CNTN4: variants seen among roughly 807,000 people sequenced by gnomAD.
CNTN4 encodes the protein contactin-4.
A neutral mutation model predicts 122.5 loss-of-function variants in CNTN4; 77 were observed. That is an observed-to-expected ratio of 0.63 (90% confidence interval 0.52 to 0.76). The LOEUF (loss-of-function observed/expected upper bound fraction) is 0.76. Ranked by LOEUF, CNTN4 falls within the 30% of genes least tolerant of loss-of-function variation. The probability of loss-of-function intolerance (pLI) is 0.00; values close to 1 mark genes in which losing one functional copy is unlikely to be tolerated. For missense variants in CNTN4, 1,256 were observed against 1,259.1 expected (o/e 1.00, Z 0.04); for synonymous variants, 512 against 447.0 (o/e 1.15, Z -1.83).
intron 7 of CNTN4, among the ~76,000 whole-genome samples, chr3:2,853,381 G>T (rs1325134386): frequency 6.6e-6 from 1 of 151,886 alleles, no homozygotes; most frequent in Non-Finnish European, 1.5e-5. Context: ...AGTAGCTGAG[G>T]CTACAGGTGC....
chr3:2,981,271 C>T (rs1366096394), intron 13 of CNTN4, among the ~76,000 whole-genome samples: 17 of 152,066 alleles, frequency 1.1e-4, no homozygotes, highest in Non-Finnish European at 1.5e-4. Flanking sequence ...AGTGAAACCC[C>T]GTCTCTACTA....
chr3:2,295,661 G>C (rs1012556304), intron 2 of CNTN4, among the ~76,000 whole-genome samples: 16 of 152,174 alleles, frequency 1.1e-4, no homozygotes, highest in African/African-American at 3.9e-4. Flanking sequence ...TTCTTTTACT[G>C]TGCAGAGGTC....
In CNTN4 at chr3:2,717,073, C is replaced by T. The variant is rs143031462; in HGVS notation, c.56-19142C>T. 1.4e-3 allele frequency among the ~76,000 whole-genome samples: 219 copies of T among 152,244 alleles called. 1 individual carries two copies. Among genetic ancestry groups the T allele is most frequent in the Middle Eastern group, 3.4e-3 (1 of 294 alleles). On this transcript the variant is annotated intron_variant, in intron 4 of 24. Coordinates refer to ENST00000418658, the MANE Select transcript of CNTN4 (RefSeq NM_175607.3). ...CTATTATTAATAATACTGCTATGAA[C>T]ACTTGTGTAAAAGTGTTTATGCAGA...
At chr3:2,264,649 TA>T (rs1253606504) in intron 2 of CNTN4, among the ~76,000 whole-genome samples, 1 of 152,218 alleles carries the variant, frequency 6.6e-6, no homozygotes, top group Non-Finnish European at 1.5e-5. Context: ...TGTCTATTGT[TA>T]TTTTTTTTGT....
intron 6 of CNTN4, among the ~76,000 whole-genome samples, chr3:2,789,315 A>G (rs548322024): frequency 9.5e-4 from 144 of 152,358 alleles, no homozygotes; most frequent in Non-Finnish European, 1.8e-3. Context: ...AATTGAAGAT[A>G]TGACACATGT....
intron 3 of CNTN4, among the ~76,000 whole-genome samples, chr3:2,431,567 G>GA (rs1575614906): frequency 6.6e-6 from 1 of 152,100 alleles, no homozygotes; most frequent in East Asian, 1.9e-4. Flanking sequence ...AAATTCCGTG[G>GA]AATAGATAAG....
chr3:2,797,654 G>C (rs1213068493), intron 6 of CNTN4, among the ~76,000 whole-genome samples: 1 of 152,160 alleles, frequency 6.6e-6, no homozygotes, highest in African/African-American at 2.4e-5. Flanking sequence ...CCAGATGTTA[G>C]ATTAAACAAG....
At chr3:2,415,261 G>A (rs2047371986) in intron 3 of CNTN4, among the ~76,000 whole-genome samples, 1 of 152,194 alleles carries the variant, frequency 6.6e-6, no homozygotes, top group Non-Finnish European at 1.5e-5. Context: ...CATTCAAGGA[G>A]CAACAGTATT....
At chr3:2,281,801 C>G (rs1178521) in intron 2 of CNTN4, among the ~76,000 whole-genome samples, 9,821 of 152,106 alleles carry the variant, frequency 0.065, 345 homozygotes, top group African/African-American at 0.078. Context: ...CTCTGCTCGT[C>G]TAGCATCATC....
chr3:2,944,408 A>T (rs972693312), intron 13 of CNTN4, among the ~76,000 whole-genome samples: 1 of 152,130 alleles, frequency 6.6e-6, no homozygotes, highest in Non-Finnish European at 1.5e-5. Flanking sequence ...CTCCTCCTCC[A>T]TGTGACTGCA....
Position 2,819,519 on chromosome 3 carries a change from C to G in CNTN4, c.392C>G (p.Thr131Ser). ...LDNFKTRTRS[T>S]VSVRRGQGMV... Reference sequence around the variant, plus strand: ...AACTTTAAAACAAGAACAAGAAGCACTGTGTCTGTCCGTCGAGGTCAAGGA... The same window carrying G: ...AACTTTAAAACAAGAACAAGAAGCAGTGTGTCTGTCCGTCGAGGTCAAGGA... Residue 131 changes from threonine (T) to serine (S), a missense_variant, in exon 7 of 25, where the codon ACT becomes AGT. Physicochemically the swap from Thr to Ser is moderately conservative, Grantham distance 58 (BLOSUM62 1). Coordinates refer to ENST00000418658, the MANE Select transcript of CNTN4 (RefSeq NM_175607.3). 6.2e-7 allele frequency: 1 copy of G among 1,614,152 alleles called. No homozygotes were observed. The highest frequency in any genetic ancestry group is 8.5e-7 in the Non-Finnish European group (1 of 1,179,984).
chr3:2,770,502 A>G (rs2091050793), intron 6 of CNTN4, among the ~76,000 whole-genome samples: 1 of 152,204 alleles, frequency 6.6e-6, no homozygotes, highest in African/African-American at 2.4e-5. Flanking sequence ...ATCCCTCATC[A>G]GTCTGGCTCT....
chr3:2,778,845 C>G (rs1455465465), intron 6 of CNTN4, among the ~76,000 whole-genome samples: 1 of 152,164 alleles, frequency 6.6e-6, no homozygotes, highest in Non-Finnish European at 1.5e-5. Flanking sequence ...ATGATAATAT[C>G]AAAAGCAAAT....
At chr3:2,584,889 C>T (rs537823694) in intron 4 of CNTN4, among the ~76,000 whole-genome samples, 14 of 150,454 alleles carry the variant, frequency 9.3e-5, no homozygotes, top group Non-Finnish European at 1.6e-4. Flanking sequence ...TAGGTAGATA[C>T]GAAGTAGGAA....
intron 3 of CNTN4, among the ~76,000 whole-genome samples, chr3:2,533,075 A>T (rs2149245855): frequency 6.6e-6 from 1 of 151,278 alleles, no homozygotes; most frequent in Non-Finnish European, 1.5e-5. Flanking sequence ...ATGTGACATT[A>T]ACCTCTCTGG....
At chr3:2,673,341 G>A (rs6804966) in intron 4 of CNTN4, among the ~76,000 whole-genome samples, 72,212 of 151,784 alleles carry the variant, frequency 0.48, 18,058 homozygotes, top group African/African-American at 0.62. Context: ...CAACTAGATC[G>A]CTCTTGCAGA....
intron 4 of CNTN4, among the ~76,000 whole-genome samples, chr3:2,576,988 C>G (rs958270550): frequency 1.3e-5 from 2 of 152,208 alleles, no homozygotes; most frequent in African/African-American, 4.8e-5. Flanking sequence ...CAGCCTTCAG[C>G]TAAGAGGGCA....
chr3:2,125,894 G>GGTATGTGTGTGTGT (rs1553570971), intron 2 of CNTN4, among the ~76,000 whole-genome samples: 1 of 143,374 alleles, frequency 7.0e-6, no homozygotes, highest in African/African-American at 2.6e-5. Context: ...TTTTATTTCT[G>GGTATGTGTGTGTGT]GTGTGTGTGT....
intron 7 of CNTN4, among the ~76,000 whole-genome samples, chr3:2,847,205 G>A (rs1470230040): frequency 6.6e-6 from 1 of 150,504 alleles, no homozygotes; most frequent in South Asian, 2.1e-4. Context: ...TTTTCTAATA[G>A]CTAAACTGTG....
Sources: allele counts gnomAD v4.1 joint callset (sites outside exome capture counted in the v4.1 genomes callset), GRCh38; gene constraint gnomAD v4.1.1; transcripts MANE v1.5; gene names NCBI Gene and HGNC (gene_info 2026-07-23, HGNC 2026-07-21).